Variants in TIMP2 observed in about 807,000 individuals in gnomAD.
TIMP2 encodes TIMP metallopeptidase inhibitor 2.
A neutral mutation model predicts 24.3 loss-of-function variants in TIMP2; 5 were observed. The observed-to-expected ratio is 0.21, with a 90% confidence interval of 0.11 to 0.43. The LOEUF is 0.43. Among genes scored for constraint, TIMP2 ranks in the 20% least tolerant of loss-of-function variants. The pLI is 1.00. For missense variants in TIMP2, 221 were observed against 297.5 expected (o/e 0.74, Z 1.89); for synonymous variants, 130 against 123.2 (o/e 1.06, Z -0.37).
chr17:78,891,478 C>G lies in TIMP2; in HGVS notation c.131-17559G>C, dbSNP rs1354280351. On this transcript the variant is annotated intron_variant, in intron 1 of 4. Coordinates refer to ENST00000262768, the MANE Select transcript of TIMP2 (RefSeq NM_003255.5). The surrounding 1 kb of genome is among the most constrained non-coding windows in gnomAD (Gnocchi z 4.5). ...TATTAAACAACTCTTCAAAGGCCAA[C>G]TCCAGCTCTTTCTGCCACTTGTTCT... 7.7e-6 allele frequency: 12 copies of G among 1,551,072 alleles called. No homozygotes were observed. The highest frequency in any genetic ancestry group is 9.6e-6 in the Non-Finnish European group (11 of 1,147,148).
chr17:78,856,154 G>A (rs2069523562), intron 4 of TIMP2: 1 of 460,556 alleles, frequency 2.2e-6, no homozygotes, highest in Non-Finnish European at 4.0e-6. Flanking sequence ...GCCTCAGCTT[G>A]GCCCTGCCCT....
intron 1 of TIMP2, among the ~76,000 whole-genome samples, chr17:78,917,251 C>CAAAAAAAAAAAAAAAA (rs10592875): frequency 2.6e-5 from 2 of 77,454 alleles, no homozygotes; most frequent in Non-Finnish European, 2.3e-5. Context: ...GACTCCGTCT[C>CAAAAAAAAAAAAAAAA]AAAAAAAAAA....
intron 3 of TIMP2, among the ~76,000 whole-genome samples, chr17:78,859,674 A>G (rs1281040364): frequency 2.0e-5 from 3 of 151,704 alleles, no homozygotes; most frequent in Non-Finnish European, 2.9e-5. Flanking sequence ...AAAAGAAAAT[A>G]AATAAAAAAT....
At chr17:78,890,203 C>CTTT (rs879844069) in intron 1 of TIMP2, among the ~76,000 whole-genome samples, 3 of 134,312 alleles carry the variant, frequency 2.2e-5, no homozygotes, top group Non-Finnish European at 3.2e-5. Flanking sequence ...TGACAGATTG[C>CTTT]TTTTTTTTTT....
chr17:78,924,596 AG>A lies in TIMP2; in HGVS notation c.130+362del, dbSNP rs922284132. 1.3e-5 allele frequency among the ~76,000 whole-genome samples: 2 copies of A among 150,832 alleles called. No individual in the cohort carries two copies. The highest frequency in any genetic ancestry group is 3.0e-5 in the Non-Finnish European group (2 of 67,594). On this transcript the variant is annotated intron_variant, in intron 1 of 4. Transcript: ENST00000262768. This position sits in a 1 kb window ranked among gnomAD's most constrained non-coding sequence, Gnocchi z 5.3. ...TTCTTCCTGGGGTCCCCAGTCCTCC[AG>A]CCCCCCGCCCCCACGCCGTGTCCCC... is the stretch of plus-strand genomic sequence containing the variant.
chr17:78,901,559 A>T (rs902470436), intron 1 of TIMP2, among the ~76,000 whole-genome samples: 1 of 152,090 alleles, frequency 6.6e-6, no homozygotes, highest in Non-Finnish European at 1.5e-5. Flanking sequence ...AAGCCAAAGG[A>T]GGTGAGGTGG....
chr17:78,873,768 C>A, intron 2 of TIMP2, 51 bp downstream of exon 2: 1 of 1,522,028 alleles, frequency 6.6e-7, no homozygotes, highest in South Asian at 1.1e-5. Flanking sequence ...AACCCCAACA[C>A]CCCACAGCTG....
chr17:78,873,110 G>C (rs958703759), intron 2 of TIMP2, among the ~76,000 whole-genome samples: 1 of 151,872 alleles, frequency 6.6e-6, no homozygotes, highest in African/African-American at 2.4e-5. Flanking sequence ...CACTGTGCCT[G>C]GTTTACTTTT....
intron 1 of TIMP2, chr17:78,890,761 G>GT: frequency 6.4e-7 from 1 of 1,550,640 alleles, no homozygotes; most frequent in Non-Finnish European, 8.7e-7. Context: ...GCCGGTCGTC[G>GT]TCGGCGAGGC....
intron 1 of TIMP2, among the ~76,000 whole-genome samples, chr17:78,885,365 A>G (rs1182779711): frequency 1.3e-5 from 2 of 152,242 alleles, no homozygotes; most frequent in African/African-American, 4.8e-5. Flanking sequence ...GGTACCTGGA[A>G]GTGCCTTAGG....
At chr17:78,874,624 C>T (rs1253848712) in intron 1 of TIMP2, among the ~76,000 whole-genome samples, 1 of 152,180 alleles carries the variant, frequency 6.6e-6, no homozygotes, top group Non-Finnish European at 1.5e-5. Flanking sequence ...GTTGCCCAGG[C>T]TGGAGTGCAG....
At chr17:78,873,356 T>C (rs1359545818) in intron 2 of TIMP2, among the ~76,000 whole-genome samples, 3 of 142,858 alleles carry the variant, frequency 2.1e-5, no homozygotes, top group Non-Finnish European at 4.6e-5. Flanking sequence ...CAGGCTGGAA[T>C]ACAGTGGTGA....
intron 1 of TIMP2, among the ~76,000 whole-genome samples, chr17:78,877,093 C>T (rs1236482718): frequency 1.3e-5 from 2 of 152,216 alleles, no homozygotes; most frequent in Non-Finnish European, 2.9e-5. Context: ...AACTCTTTGC[C>T]AGATGGAGCT....
At chr17:78,903,096 G>T (rs2145786826) in intron 1 of TIMP2, 1 of 152,488 alleles carries the variant, frequency 6.6e-6, no homozygotes, top group South Asian at 2.1e-4. Context: ...CAGACACAGA[G>T]AGCCTCAGCC....
intron 1 of TIMP2, among the ~76,000 whole-genome samples, chr17:78,923,396 T>TGGGGGGGGGGGGGGGGGGGGGGGG (rs1255104339): frequency 1.7e-4 from 8 of 47,698 alleles, no homozygotes; most frequent in East Asian, 7.8e-4. Context: ...TGGGGCGGGG[T>TGGGGGGGGGGGGGGGGGGGGGGGG]GGGGGGGGGG....
chr17:78,884,708 T>A (rs2069810138), intron 1 of TIMP2, among the ~76,000 whole-genome samples: 5 of 152,170 alleles, frequency 3.3e-5, no homozygotes. Flanking sequence ...TCACAGCAGC[T>A]GCAAGTGCAG....
At chr17:78,867,659 G>A (rs1373238540) in intron 3 of TIMP2, among the ~76,000 whole-genome samples, 4 of 145,214 alleles carry the variant, frequency 2.8e-5, no homozygotes, top group Admixed American at 7.0e-5. Context: ...GCAGTGGCAC[G>A]ATCTCGGCTC....
At chr17:78,890,413 G>A (rs1216216737) in intron 1 of TIMP2, among the ~76,000 whole-genome samples, 1 of 152,122 alleles carries the variant, frequency 6.6e-6, no homozygotes, top group East Asian at 1.9e-4. Flanking sequence ...TGTTGGCCAG[G>A]CTGGTCTCAA....
chr17:78,868,740 C>G (rs199874978), intron 3 of TIMP2, among the ~76,000 whole-genome samples: 2 of 152,246 alleles, frequency 1.3e-5, no homozygotes, highest in Non-Finnish European at 2.9e-5. Context: ...CTCGGCTGCA[C>G]TAGCCATATC....
Sources: allele counts gnomAD v4.1 joint callset (sites outside exome capture counted in the v4.1 genomes callset), GRCh38; gene constraint gnomAD v4.1.1; non-coding constraint Gnocchi (gnomAD v3.1); transcripts MANE v1.5; gene names NCBI Gene and HGNC (gene_info 2026-07-23, HGNC 2026-07-21).